Variants in SLCO3A1 observed in about 807,000 individuals in gnomAD.
SLCO3A1 encodes solute carrier organic anion transporter family member 3A1, also known as PGE1 transporter.
SLCO3A1 carries 27 observed loss-of-function variants against 63.1 expected under a neutral mutation model. The observed-to-expected ratio is 0.43, with a 90% CI of 0.32 to 0.59. The LOEUF (loss-of-function observed/expected upper bound fraction) is 0.59. Among genes scored for constraint, SLCO3A1 ranks in the 20% least tolerant of loss-of-function variants. The probability of loss-of-function intolerance (pLI) is 0.09; values close to 1 mark genes in which losing one functional copy is unlikely to be tolerated. For synonymous variants in SLCO3A1, 473 were observed against 409.9 expected (o/e 1.15, Z -1.86); for missense variants, 773 against 945.8 (o/e 0.82, Z 2.40).
chr15:91,911,626 A>G (rs1898488622), intron 1 of SLCO3A1, among the ~76,000 whole-genome samples: 1 of 151,946 alleles, frequency 6.6e-6, no homozygotes, highest in South Asian at 2.1e-4. Flanking sequence ...ATCTATATAG[A>G]TATTTAGATT....
At chr15:92,023,735 C>G (rs1464206683) in intron 2 of SLCO3A1, among the ~76,000 whole-genome samples, 1 of 152,162 alleles carries the variant, frequency 6.6e-6, no homozygotes, top group Non-Finnish European at 1.5e-5. Flanking sequence ...TCCCAAAGTT[C>G]TGGGATTATA....
In SLCO3A1 at chr15:92,162,748, G is replaced by T. The variant is rs201343660; in HGVS notation, c.1754-8G>T. On this transcript the variant is annotated splice_region_variant and splice_polypyrimidine_tract_variant and intron_variant, in intron 9 of 9. Coordinates refer to ENST00000318445, the MANE Select transcript of SLCO3A1 (RefSeq NM_013272.4). ...TCCAGAACCTTAACATTCTTTTCCCGGTAACAGGCTTCATCCCTCCACCCC... is the reference window on the plus strand; with the variant it reads ...TCCAGAACCTTAACATTCTTTTCCCTGTAACAGGCTTCATCCCTCCACCCC... 5 of 1,604,894 alleles carry T rather than the reference G, an allele frequency of 3.1e-6. No homozygotes were observed. In the Admixed American group the frequency reaches 5.1e-5, roughly 16 times the overall value.
chr15:92,104,503 G>C lies in SLCO3A1; in HGVS notation c.970G>C (p.Glu324Gln). 2 of 1,614,000 alleles carry C rather than the reference G, an allele frequency of 1.2e-6. No homozygotes were observed. ...PSNGVLRHPL[E>Q]PDSSASCFQQ... is the part of the protein sequence containing the mutation. ...CAACGGGGTCCTGAGGCACCCCCTGGAGCCAGACAGCAGTGCCTCCTGTTT... is the reference window on the plus strand; with the variant it reads ...CAACGGGGTCCTGAGGCACCCCCTGCAGCCAGACAGCAGTGCCTCCTGTTT... The change falls in exon 4 of 10, where the codon GAG (glutamate) becomes CAG (glutamine). Residue 324 changes from glutamate to glutamine, a missense_variant. Around this residue, in one of 3 missense-constraint regions of SLCO3A1, gnomAD observed 565 missense variants for 749.8 expected, o/e 0.75. Coordinates refer to ENST00000318445, the MANE Select transcript of SLCO3A1 (RefSeq NM_013272.4).
chr15:92,070,222 G>A (rs1163804516), intron 2 of SLCO3A1, among the ~76,000 whole-genome samples: 1 of 152,228 alleles, frequency 6.6e-6, no homozygotes, highest in East Asian at 1.9e-4. Context: ...TTGTTTGGAG[G>A]GTAAAGGAGT....
chr15:92,058,806 G>T (rs1043780070), intron 2 of SLCO3A1, among the ~76,000 whole-genome samples: 3 of 152,110 alleles, frequency 2.0e-5, no homozygotes, highest in Non-Finnish European at 4.4e-5. Context: ...ATCTGTGCCT[G>T]CCCCGCCTGC....
intron 4 of SLCO3A1, among the ~76,000 whole-genome samples, chr15:92,112,730 T>C (rs907896007): frequency 6.6e-6 from 1 of 152,204 alleles, no homozygotes; most frequent in African/African-American, 2.4e-5. Flanking sequence ...GACACTGTGA[T>C]CCTTGTGGAG....
intron 2 of SLCO3A1, among the ~76,000 whole-genome samples, chr15:92,046,241 GTGGT>G (rs1597254601): frequency 6.6e-6 from 1 of 152,084 alleles, no homozygotes; most frequent in East Asian, 1.9e-4. Context: ...TCGGCTGGGC[GTGGT>G]GGGTCACACC....
At chr15:92,094,822 A>G in intron 2 of SLCO3A1, 59 bp from the exon 3 acceptor site, 2 of 1,071,430 alleles carry the variant, frequency 1.9e-6, no homozygotes, top group South Asian at 1.3e-5. Flanking sequence ...ACCTTTGGTG[A>G]TTTTGCTCAT....
At chr15:91,926,558 C>CGCGTGTGTGTGT (rs1555450154) in intron 2 of SLCO3A1, among the ~76,000 whole-genome samples, 2 of 126,044 alleles carry the variant, frequency 1.6e-5, no homozygotes, top group African/African-American at 6.7e-5. Context: ...CCTGCCAAGC[C>CGCGTGTGTGTGT]GTGTGTGTGT....
chr15:91,952,399 A>C (rs1900029968), intron 2 of SLCO3A1, among the ~76,000 whole-genome samples: 1 of 152,264 alleles, frequency 6.6e-6, no homozygotes, highest in African/African-American at 2.4e-5. Flanking sequence ...ACTCTACCAA[A>C]GAACAGTTGT....
intron 9 of SLCO3A1, chr15:92,162,259 G>A: frequency 6.8e-6 from 1 of 147,898 alleles, no homozygotes; most frequent in Non-Finnish European, 1.5e-5. Context: ...TTCTGCCTCA[G>A]TCTCCCAAGT....
chr15:91,919,347 C>T (rs1353360233), intron 2 of SLCO3A1, among the ~76,000 whole-genome samples: 1 of 152,218 alleles, frequency 6.6e-6, no homozygotes, highest in African/African-American at 2.4e-5. Flanking sequence ...TTCTTCAGCC[C>T]GTCCTTTCCA....
chr15:91,872,781 A>G lies in SLCO3A1; in HGVS notation c.180+18693A>G, dbSNP rs1485207159. Among the ~76,000 whole-genome samples the G allele has an allele frequency of 6.6e-6, 1 of 152,256 alleles. No homozygotes were observed. The highest frequency in any genetic ancestry group is 2.4e-5 in the African/African-American group (1 of 41,474). On this transcript the variant is annotated intron_variant, in intron 1 of 9. Transcript: ENST00000318445. This position sits in a 1 kb window ranked among gnomAD's most constrained non-coding sequence, Gnocchi z 4.1. ...CTCTTTTAAACTGAGGGAAAAGGTA[A>G]TGAACATTGAACATGACTTTACTGG...
intron 2 of SLCO3A1, among the ~76,000 whole-genome samples, chr15:91,947,604 G>A (rs904973426): frequency 1.3e-5 from 2 of 152,206 alleles, no homozygotes; most frequent in Non-Finnish European, 2.9e-5. Flanking sequence ...CCGACAGATC[G>A]TTGCCTTCGG....
intron 2 of SLCO3A1, among the ~76,000 whole-genome samples, chr15:91,994,457 C>T (rs373293002): frequency 1.3e-4 from 20 of 152,318 alleles, no homozygotes; most frequent in African/African-American, 4.1e-4. Flanking sequence ...TACCCCTTAG[C>T]AGAATCTGCT....
intron 2 of SLCO3A1, among the ~76,000 whole-genome samples, chr15:92,073,324 C>T (rs979563208): frequency 1.3e-5 from 2 of 152,178 alleles, no homozygotes; most frequent in African/African-American, 4.8e-5. Context: ...CCTCATCCCA[C>T]GACATTCTAC....
chr15:92,138,649 C>A (rs1378844027), intron 7 of SLCO3A1, among the ~76,000 whole-genome samples: 17 of 46,566 alleles, frequency 3.7e-4, no homozygotes, highest in African/African-American at 5.0e-4. Flanking sequence ...CTTTTATTTC[C>A]TTGAGCAGTG....
At chr15:91,910,802 T>G (rs1898460941) in intron 1 of SLCO3A1, among the ~76,000 whole-genome samples, 1 of 152,186 alleles carries the variant, frequency 6.6e-6, no homozygotes, top group Non-Finnish European at 1.5e-5. Flanking sequence ...CAGGGAACTC[T>G]GAAAATACAG....
At chr15:91,943,673 C>A (rs898625039) in intron 2 of SLCO3A1, among the ~76,000 whole-genome samples, 2 of 152,168 alleles carry the variant, frequency 1.3e-5, no homozygotes, top group African/African-American at 4.8e-5. Flanking sequence ...GTTTTTCATA[C>A]CCAGTGCATA....
Sources: allele counts gnomAD v4.1 joint callset (sites outside exome capture counted in the v4.1 genomes callset), GRCh38; gene constraint gnomAD v4.1.1; regional missense constraint gnomAD v4.1.1; non-coding constraint Gnocchi (gnomAD v3.1); transcripts MANE v1.5; gene names NCBI Gene and HGNC (gene_info 2026-07-23, HGNC 2026-07-21).